Variants in ZNF638 observed in about 807,000 individuals in gnomAD.
ZNF638 encodes CTCL tumor antigen se33-1.
A neutral mutation model predicts 195.6 loss-of-function variants in ZNF638; 46 were observed. The observed-to-expected ratio is 0.24, with a 90% CI of 0.19 to 0.30. The LOEUF is 0.30. Among genes scored for constraint, ZNF638 ranks in the 10% least tolerant of loss-of-function variants. ZNF638 has a pLI of 1.00. For missense variants in ZNF638, 2,440 were observed against 2,325.3 expected, an observed-to-expected ratio of 1.05 and a Z score of -1.01; for synonymous variants, 845 against 772.0, an observed-to-expected ratio of 1.09 and a Z score of -1.57.
At chr2:71,356,287 A>T (rs2079021403) in intron 3 of ZNF638, among the ~76,000 whole-genome samples, 1 of 152,172 alleles carries the variant, frequency 6.6e-6, no homozygotes, top group Admixed American at 6.5e-5. Context: ...TTCTTCTTAA[A>T]GACAGGGCAC....
At chr2:71,425,432 T>G (rs1465913789) in intron 23 of ZNF638, among the ~76,000 whole-genome samples, 1 of 152,168 alleles carries the variant, frequency 6.6e-6, no homozygotes, top group Non-Finnish European at 1.5e-5. Flanking sequence ...TTGTAGATAT[T>G]CTCCCTAGAA....
intron 8 of ZNF638, chr2:71,379,848 G>T (rs1385364863): frequency 6.5e-6 from 1 of 153,558 alleles, no homozygotes; most frequent in Non-Finnish European, 1.4e-5. Flanking sequence ...ATGTGCTGCT[G>T]AAGGGAGCGT....
intron 10 of ZNF638, among the ~76,000 whole-genome samples, chr2:71,394,990 G>A (rs996184542): frequency 6.6e-6 from 1 of 152,144 alleles, no homozygotes; most frequent in African/African-American, 2.4e-5. Flanking sequence ...TCTCTACCAT[G>A]GAACCAATCA....
In ZNF638 at chr2:71,393,296, G is replaced by A. The variant is rs140923888; in HGVS notation, c.2378-2845G>A. ...TAAAACCTCTCAAGACATAAAACCC[G>A]CAGTTTTATGGAAAGATGTAAATAG... On this transcript the variant is annotated intron_variant, in intron 10 of 27. Coordinates refer to ENST00000264447, the MANE Select transcript of ZNF638 (RefSeq NM_014497.5). 297 of 628,900 alleles carry A rather than the reference G, an allele frequency of 4.7e-4. 2 individuals carry two copies. The African/African-American group carries it at 4.7e-3, about 10-fold the overall frequency. The allele number at this position is 628,900 out of a possible 1,614,324, so 39.0% of individuals were successfully genotyped here. A position where few individuals can be genotyped will look rare whatever the true frequency, so the allele number is the denominator to read the frequency against.
chr2:71,367,287 C>G (rs907005297), intron 6 of ZNF638, among the ~76,000 whole-genome samples: 5 of 150,808 alleles, frequency 3.3e-5, no homozygotes, highest in African/African-American at 1.2e-4. Context: ...AAATGGGGGT[C>G]TCGCTTTCTC....
rs757349910 is a variant in ZNF638, at chr2:71,368,459, A to T, written c.2073A>T (p.Glu691Asp). 8.1e-6 allele frequency: 13 copies of T among 1,613,590 alleles called. 1 individual carries two copies. The South Asian group carries it at 1.1e-4, about 14-fold the overall frequency. Residue 691 changes from glutamate to aspartate, a missense_variant, in exon 7 of 28, where the codon GAA becomes GAT. Transcript: ENST00000264447. ...TELPEDGCTE[E>D]DVRKLFQPFG... Reference sequence around the variant, plus strand: ...TACCAGAGGATGGTTGTACTGAAGAAGATGTGAGAAAATTATTTCAACCAT... The same window carrying T: ...TACCAGAGGATGGTTGTACTGAAGATGATGTGAGAAAATTATTTCAACCAT...
chr2:71,335,923 A>G (rs915982820), intron 1 of ZNF638, among the ~76,000 whole-genome samples: 8 of 152,190 alleles, frequency 5.3e-5, no homozygotes, highest in Admixed American at 3.3e-4. Context: ...TTCATTTATA[A>G]TTGGTTACGA....
chr2:71,401,520 A>T (rs1230497664), intron 15 of ZNF638, among the ~76,000 whole-genome samples: 1 of 152,094 alleles, frequency 6.6e-6, no homozygotes, highest in African/African-American at 2.4e-5. Flanking sequence ...ATATGAAAGG[A>T]AGCAGTTGTA....
At chr2:71,431,489 G>C in intron 26 of ZNF638, 61 bp downstream of exon 26, 1 of 1,477,980 alleles carries the variant, frequency 6.8e-7, no homozygotes, top group South Asian at 1.2e-5. Flanking sequence ...GCCGGGCGCG[G>C]TGGCTCAAGC....
intron 25 of ZNF638, 122 bp from the exon 26 acceptor site, chr2:71,431,205 C>A: frequency 1.4e-6 from 1 of 713,728 alleles, no homozygotes; most frequent in Non-Finnish European, 2.3e-6. Context: ...CAAAGAATGG[C>A]CAGATGGGAT....
At chr2:71,431,006 G>A (rs2080646819) in intron 25 of ZNF638, 2 of 177,122 alleles carry the variant, frequency 1.1e-5, no homozygotes, top group South Asian at 2.7e-4. Context: ...TCCACTCTCG[G>A]CTCAGCTTAG....
At chr2:71,339,122 A>T (rs2078719740) in intron 1 of ZNF638, among the ~76,000 whole-genome samples, 1 of 151,062 alleles carries the variant, frequency 6.6e-6, no homozygotes, top group East Asian at 1.9e-4. Context: ...TCAAGGCTTA[A>T]GGCTTTTAAT....
At position 71,364,157 on chromosome 2, in the gene ZNF638, C is replaced by T. The variant is rs1470112924; in HGVS notation, c.1622C>T (p.Ser541Leu). The T allele has an allele frequency of 1.2e-6, 2 of 1,614,192 alleles. No homozygotes were observed. ...TACAGATCCAGATCCAGATCCCGTT[C>T]ACCATATCGAATTAGAAATCCATTT... ...SRYRSRSRSR[S>L]PYRIRNPFRG... The change falls in exon 5 of 28, where the codon TCA becomes TTA. Residue 541 changes from serine (S) to leucine (L), a missense_variant. Ser to Leu is a moderately radical substitution (Grantham distance 145). Around this residue, in one of 5 missense-constraint regions of ZNF638, gnomAD observed 1,883 missense variants for 1,739.1 expected, o/e 1.08. Transcript: ENST00000264447.
chr2:71,383,571 T>G lies in ZNF638; in HGVS notation c.2377+3006T>G, dbSNP rs1312598997. ...TTTCTTCCTGGGTGGTTTTTTTTTT[T>G]TTTTTTTTTTCTTCTTTTATTGAGA... On this transcript the variant is annotated intron_variant, in intron 10 of 27. Coordinates refer to ENST00000264447, the MANE Select transcript of ZNF638 (RefSeq NM_014497.5). Among the ~76,000 whole-genome samples the G allele has an allele frequency of 6.1e-5, 9 of 147,250 alleles. 1 individual carries two copies. In the South Asian group the frequency reaches 1.1e-3, roughly 18 times the overall value.
At chr2:71,379,874 T>C (rs1201179137) in intron 8 of ZNF638, 1 of 155,792 alleles carries the variant, frequency 6.4e-6, no homozygotes, top group South Asian at 2.1e-4. Context: ...TATTTTATTA[T>C]TGTTGATCTT....
At chr2:71,395,595 A>T in intron 10 of ZNF638, 1 of 587,366 alleles carries the variant, frequency 1.7e-6, no homozygotes, top group South Asian at 1.6e-5. Flanking sequence ...GACTGCTCCC[A>T]AGGCGGTGGG....
rs369123079 is a variant in ZNF638, at chr2:71,363,727, C to G, written c.1419-227C>G. 3.9e-5 allele frequency among the ~76,000 whole-genome samples: 6 copies of G among 152,140 alleles called. No individual in the cohort carries two copies. In the South Asian group the frequency reaches 8.3e-4, roughly 21 times the overall value. ...TCGTATTCTTCTGTAAACTAGAAAA[C>G]AGACATCCAAGCAATTGGAGGGCTG... On this transcript the variant is annotated intron_variant, in intron 4 of 27. Coordinates refer to ENST00000264447, the MANE Select transcript of ZNF638 (RefSeq NM_014497.5).
intron 10 of ZNF638, chr2:71,388,777 A>G: frequency 1.1e-6 from 1 of 920,332 alleles, no homozygotes; most frequent in Non-Finnish European, 1.8e-6. Flanking sequence ...TTCTCAGACT[A>G]GAGTTTCATC....
chr2:71,381,494 A>T (rs2079534139), intron 10 of ZNF638, among the ~76,000 whole-genome samples: 1 of 152,108 alleles, frequency 6.6e-6, no homozygotes, highest in African/African-American at 2.4e-5. Context: ...ATGTGAAGAG[A>T]TAAAATGTGG....
Sources: gnomAD v4.1 joint callset for allele counts (sites outside exome capture counted in the v4.1 genomes callset) on GRCh38, gnomAD v4.1.1 for gene constraint, gnomAD v4.1.1 regional missense constraint, MANE v1.5 for transcripts, NCBI Gene and HGNC (gene_info 2026-07-23, HGNC 2026-07-21) for gene names.